The following ADAM19 variants were observed in gnomAD, a reference collection of about 807,000 sequenced individuals.
The protein encoded by ADAM19 is disintegrin and metalloproteinase domain-containing protein 19.
Under a neutral mutation model 114.7 loss-of-function variants are expected in ADAM19, and 65 were observed. The ratio of observed to expected loss-of-function variants is 0.57; its 90% CI spans 0.46 to 0.70. The LOEUF (loss-of-function observed/expected upper bound fraction) is 0.70, where lower values mean the gene tolerates loss of function less well. ADAM19 is among the 30% of genes least tolerant of loss of function. The probability of loss-of-function intolerance (pLI) is 0.00; values close to 1 mark genes in which losing one functional copy is unlikely to be tolerated. For synonymous variants in ADAM19, 466 were observed against 460.5 expected (o/e 1.01, Z -0.15); for missense variants, 1,063 against 1,204.7 (o/e 0.88, Z 1.74).
intron 7 of ADAM19, among the ~76,000 whole-genome samples, chr5:157,515,801 T>C (rs1300427189): frequency 6.6e-6 from 1 of 152,182 alleles, no homozygotes; most frequent in Non-Finnish European, 1.5e-5. Context: ...ACAGTTATCC[T>C]GTCTACTCCT....
intron 16 of ADAM19, among the ~76,000 whole-genome samples, chr5:157,492,485 T>C (rs1755210447): frequency 1.3e-5 from 2 of 152,246 alleles, no homozygotes; most frequent in Admixed American, 6.5e-5. Flanking sequence ...ATTATTTATG[T>C]GTTATCACAT....
Position 157,480,642 on chromosome 5 carries a change from G to T in ADAM19, c.*307C>A, listed in dbSNP as rs56281447. 2.5e-3 allele frequency: 2,944 copies of T among 1,186,258 alleles called. 59 individuals carry two copies. In the African/African-American group the frequency reaches 0.042, roughly 17 times the overall value. The allele number at this position is 1,186,258 out of a possible 1,614,324, so 73.5% of individuals were successfully genotyped here. On this transcript the variant is annotated 3_prime_UTR_variant, in exon 23 of 23. Transcript: ENST00000257527. ...TTGCTGGCCTTGAGCATCTCCATCA[G>T]CACCTCGGGGCTAGGAGTCTGGAGG... is the stretch of plus-strand genomic sequence containing the variant.
intron 12 of ADAM19, 35 bp from the exon 13 acceptor site, chr5:157,499,697 G>A: frequency 6.9e-7 from 1 of 1,459,724 alleles, no homozygotes; most frequent in Non-Finnish European, 9.5e-7. Flanking sequence ...GAGTGGGGGA[G>A]GGCCTTCACC....
chr5:157,535,301 G>C (rs1285661498), intron 4 of ADAM19, among the ~76,000 whole-genome samples: 5 of 152,232 alleles, frequency 3.3e-5, no homozygotes, highest in East Asian at 1.9e-4. Flanking sequence ...GCCTGACCTA[G>C]ATGCAGGCTG....
At chr5:157,540,844 T>C (rs544574364) in intron 3 of ADAM19, among the ~76,000 whole-genome samples, 1 of 152,314 alleles carries the variant, frequency 6.6e-6, no homozygotes, top group East Asian at 1.9e-4. Flanking sequence ...CCTCTGTCAC[T>C]GGCACCCACA....
In ADAM19 at chr5:157,519,931, G is replaced by A. The variant is rs377731134; in HGVS notation, c.508C>T (p.Pro170Ser). The change falls in exon 6 of 23, where the codon CCC (proline) becomes TCC (serine). Residue 170 changes from proline to serine, a missense_variant. This residue lies in a region of ADAM19 where 615 missense variants were observed against 706.3 expected (regional missense o/e 0.87). Transcript: ENST00000257527. ...TGCTCGAACCCACAGTTTCCCGGGG[G>A]CGGCTTGAGATGTTCAGATCTGTAA... ...LIYRSEHLKPPPGNCGFEHSK... is the reference protein window; with the variant it reads ...LIYRSEHLKPSPGNCGFEHSK... 19 of 1,614,026 alleles carry A rather than the reference G, an allele frequency of 1.2e-5. No homozygotes were observed. Among genetic ancestry groups the A allele is most frequent in the East Asian group, 2.2e-5 (1 of 44,892 alleles).
At chr5:157,568,129 T>C (rs6556086) in intron 2 of ADAM19, 53,672 of 151,962 alleles carry the variant, frequency 0.35, 11,431 homozygotes, top group African/African-American at 0.59. Context: ...TGTGCACCAC[T>C]GCGCCTGGCT....
intron 21 of ADAM19, among the ~76,000 whole-genome samples, chr5:157,487,154 C>T (rs898133242): frequency 5.9e-5 from 9 of 152,140 alleles, no homozygotes; most frequent in Admixed American, 2.0e-4. Context: ...CCTCAGCACA[C>T]GAGTACACTC....
At chr5:157,574,041 G>A (rs997931510) in intron 1 of ADAM19, among the ~76,000 whole-genome samples, 2 of 152,134 alleles carry the variant, frequency 1.3e-5, no homozygotes, top group Non-Finnish European at 2.9e-5. Flanking sequence ...GTTTTACAGA[G>A]AATTTGATGA....
intron 4 of ADAM19, among the ~76,000 whole-genome samples, chr5:157,536,932 C>T (rs922502642): frequency 3.9e-5 from 6 of 152,338 alleles, no homozygotes; most frequent in African/African-American, 1.4e-4. Flanking sequence ...GCTGCTCCTG[C>T]CAGTGTGCGT....
At chr5:157,521,101 G>A (rs1756273721) in intron 5 of ADAM19, among the ~76,000 whole-genome samples, 5 of 152,162 alleles carry the variant, frequency 3.3e-5, no homozygotes, top group Admixed American at 2.0e-4. Context: ...CCTTGGACTG[G>A]AGGCAGCTGC....
At chr5:157,512,265 G>A (rs1272563097) in intron 8 of ADAM19, among the ~76,000 whole-genome samples, 1 of 152,042 alleles carries the variant, frequency 6.6e-6, no homozygotes, top group Non-Finnish European at 1.5e-5. Context: ...AAAAACCATG[G>A]GCATGGAAAC....
intron 21 of ADAM19, among the ~76,000 whole-genome samples, chr5:157,483,705 C>T (rs527774643): frequency 6.6e-6 from 1 of 151,058 alleles, no homozygotes; most frequent in East Asian, 2.0e-4. Flanking sequence ...ATGATCTCGG[C>T]TTACTGCAAC....
In ADAM19 at chr5:157,497,196, C is replaced by T; in HGVS notation, c.1399-107G>A. On this transcript the variant is annotated intron_variant, in intron 13 of 22. Transcript: ENST00000257527. ...TCTCATAGAACAGAATTTTCCATTA[C>T]CATGATTTCACAGCACTTTTTACAT... 8 of 1,069,760 alleles carry T rather than the reference C, an allele frequency of 7.5e-6. No individual in the cohort carries two copies. The South Asian group carries it at 1.7e-4, about 23-fold the overall frequency. The allele number at this position is 1,069,760 out of a possible 1,614,324, so 66.3% of individuals were successfully genotyped here. A position where few individuals can be genotyped will look rare whatever the true frequency, so the allele number is the denominator to read the frequency against.
chr5:157,529,017 G>A (rs1470941303), intron 5 of ADAM19, among the ~76,000 whole-genome samples: 1 of 152,178 alleles, frequency 6.6e-6, no homozygotes, highest in Non-Finnish European at 1.5e-5. Context: ...GCTCACCAGA[G>A]CCAATCAAAG....
rs756656499 is a variant in ADAM19, at chr5:157,494,698, C to G, written c.1692G>C (p.Lys564Asn). The G allele has an allele frequency of 6.2e-7, 1 of 1,613,268 alleles. No homozygotes were observed. The highest frequency in any genetic ancestry group is 2.2e-5 in the East Asian group (1 of 44,834). The part of the protein sequence containing the change: ...CGKDMNGEHR[K>N]CNMRDAKCGK... ...CCTTTGGTCATCACCTCATGTTGCA[C>G]TTCCTGTGTTCACCATTCATGTCCT... is the stretch of plus-strand genomic sequence containing the variant. Residue 564 changes from lysine (K) to asparagine (N), a missense_variant, in exon 15 of 23, where the codon AAG becomes AAC. Physicochemically the swap from Lys to Asn is moderately conservative, Grantham distance 94. Transcript: ENST00000257527.
intron 3 of ADAM19, among the ~76,000 whole-genome samples, chr5:157,544,739 G>A (rs1403415779): frequency 2.0e-5 from 3 of 152,214 alleles, no homozygotes; most frequent in African/African-American, 7.2e-5. Flanking sequence ...GGGAAATGAG[G>A]TGCTACCTTT....
Position 157,477,535 on chromosome 5 carries a change from G to A in ADAM19, c.*3414C>T, listed in dbSNP as rs955595350. 6.1e-5 allele frequency: 71 copies of A among 1,171,264 alleles called. No homozygotes were observed. The highest frequency in any genetic ancestry group is 3.2e-4 in the Middle Eastern group (1 of 3,174). 72.6% of individuals were successfully genotyped at this position (1,171,264 alleles called of 1,614,324 possible). A position where few individuals can be genotyped will look rare whatever the true frequency, so the allele number is the denominator to read the frequency against. On this transcript the variant is annotated 3_prime_UTR_variant, in exon 23 of 23. Coordinates refer to ENST00000257527, the MANE Select transcript of ADAM19 (RefSeq NM_033274.5). The stretch of plus-strand genomic sequence containing the variant: ...CGCACAGTGGACGGTGTGAGAGGAC[G>A]CGTTGGGGGTGACTTTGGAAATGTG...
intron 3 of ADAM19, among the ~76,000 whole-genome samples, chr5:157,549,657 G>T (rs1298024465): frequency 6.6e-6 from 1 of 152,142 alleles, no homozygotes; most frequent in African/African-American, 2.4e-5. Flanking sequence ...ATGTAAATTT[G>T]TAATCTGTTT....
Sources: gnomAD v4.1 joint callset for allele counts (sites outside exome capture counted in the v4.1 genomes callset) on GRCh38, gnomAD v4.1.1 for gene constraint, gnomAD v4.1.1 regional missense constraint, MANE v1.5 for transcripts, NCBI Gene and HGNC (gene_info 2026-07-23, HGNC 2026-07-21) for gene names.